PLCB4: variants seen among roughly 807,000 people sequenced by gnomAD.
PLCB4 encodes 1-phosphatidylinositol 4,5-bisphosphate phosphodiesterase beta-4.
A neutral mutation model predicts 178.8 loss-of-function variants in PLCB4; 77 were observed. That is an observed-to-expected ratio of 0.43 (90% CI 0.36 to 0.52). The LOEUF is 0.52. PLCB4 is among the 20% of genes least tolerant of loss of function. PLCB4 has a pLI of 0.00. For synonymous variants in PLCB4, 496 were observed against 490.8 expected (o/e 1.01, Z -0.14); for missense variants, 1,024 against 1,453.4 (o/e 0.70, Z 4.80).
At chr20:9,417,276 A>T (rs2040314373) in intron 25 of PLCB4, among the ~76,000 whole-genome samples, 3 of 152,068 alleles carry the variant, frequency 2.0e-5, no homozygotes, top group Non-Finnish European at 4.4e-5. Flanking sequence ...TGATTATATG[A>T]CCACTACCCC....
At chr20:9,195,461 C>CA (rs2093459945) in intron 2 of PLCB4, among the ~76,000 whole-genome samples, 1 of 152,228 alleles carries the variant, frequency 6.6e-6, no homozygotes, top group African/African-American at 2.4e-5. Context: ...AATTGGTAGA[C>CA]AGAGTAGAAA....
intron 3 of PLCB4, among the ~76,000 whole-genome samples, chr20:9,305,234 A>T (rs1227218480): frequency 6.6e-6 from 1 of 151,284 alleles, no homozygotes. Flanking sequence ...TCCATTCTTT[A>T]TCTGGTTACT....
intron 3 of PLCB4, among the ~76,000 whole-genome samples, chr20:9,298,819 C>T (rs150941815): frequency 5.5e-4 from 83 of 152,102 alleles, no homozygotes; most frequent in African/African-American, 1.7e-3. Context: ...GGACAAATAG[C>T]GAATGCTTGC....
intron 2 of PLCB4, among the ~76,000 whole-genome samples, chr20:9,180,401 T>C (rs1424085661): frequency 6.6e-6 from 1 of 152,192 alleles, no homozygotes; most frequent in African/African-American, 2.4e-5. Context: ...TTTTCCATTA[T>C]AAAGCTGGTG....
rs548822315 is a variant in PLCB4, at chr20:9,453,461, G to T, written c.2995G>T (p.Gly999Trp). 1.3e-6 allele frequency: 2 copies of T among 1,489,968 alleles called. No homozygotes were observed. Among genetic ancestry groups the T allele is most frequent in the African/African-American group, 1.4e-5 (1 of 72,502 alleles). 92.3% of individuals were successfully genotyped at this position (1,489,968 alleles called of 1,614,324 possible). The change falls in exon 33 of 40, where the codon GGG becomes TGG. Residue 999 changes from glycine (G) to tryptophan (W), a missense_variant and splice_region_variant. By Grantham distance (184) the Gly-to-Trp change is radical (BLOSUM62 -2). This residue lies in a region of PLCB4 where 264 missense variants were observed against 283.2 expected (regional missense o/e 0.93). Transcript: ENST00000378473. ...CCTAGAGAAGGCAATGAAGAAGAAG[G>T]GGTAATACTGTTTATTTCCTTCTGA... ...KILEKAMKKK[G>W]GSNCLEMKKE...
chr20:9,398,110 GA>G (rs1490690371), intron 19 of PLCB4, among the ~76,000 whole-genome samples: 1 of 152,168 alleles, frequency 6.6e-6, no homozygotes, highest in Non-Finnish European at 1.5e-5. Context: ...CCCCCAGATG[GA>G]ACATCTAAGA....
chr20:9,203,777 GTTT>G (rs553691545), intron 2 of PLCB4, among the ~76,000 whole-genome samples: 4 of 101,704 alleles, frequency 3.9e-5, no homozygotes, highest in East Asian at 6.9e-4. Context: ...TGGGAATAGT[GTTT>G]TTTTTTTTTT....
chr20:9,456,380 T>C (rs2043058690), intron 33 of PLCB4, among the ~76,000 whole-genome samples: 1 of 152,084 alleles, frequency 6.6e-6, no homozygotes, highest in South Asian at 2.1e-4. Context: ...AAGGTGATGG[T>C]AAAAAGATGA....
intron 36 of PLCB4, among the ~76,000 whole-genome samples, chr20:9,472,018 A>T (rs953538443): frequency 3.9e-5 from 6 of 152,170 alleles, no homozygotes; most frequent in African/African-American, 1.4e-4. Flanking sequence ...AAATAACCTA[A>T]TTTTTGTTAA....
At chr20:9,379,612 C>G (rs558455363) in intron 12 of PLCB4, among the ~76,000 whole-genome samples, 1 of 152,072 alleles carries the variant, frequency 6.6e-6, no homozygotes, top group African/African-American at 2.4e-5. Flanking sequence ...GTTGTTATTG[C>G]TTTTGGGGTT....
Position 9,334,726 on chromosome 20 carries a change from C to T in PLCB4, c.85-2400C>T, listed in dbSNP as rs1430842198. On this transcript the variant is annotated intron_variant, in intron 4 of 39. Coordinates refer to ENST00000378473, the MANE Select transcript of PLCB4 (RefSeq NM_001377142.1). ...AAGTAAAAGGAGGAGGGAACTGGTGCGTAGTGAGAGATTGGCAGGGATAAT... is the reference window on the plus strand; with the variant it reads ...AAGTAAAAGGAGGAGGGAACTGGTGTGTAGTGAGAGATTGGCAGGGATAAT... Among the ~76,000 whole-genome samples the T allele has an allele frequency of 3.3e-5, 5 of 151,946 alleles. No individual in the cohort carries two copies. In the South Asian group the frequency reaches 8.3e-4, roughly 25 times the overall value.
At chr20:9,372,129 T>C (rs558767349) in intron 10 of PLCB4, among the ~76,000 whole-genome samples, 174 bp from the exon 11 acceptor site, 2 of 152,278 alleles carry the variant, frequency 1.3e-5, no homozygotes, top group African/African-American at 2.4e-5. Context: ...CACTGTTTTT[T>C]AGTGAGATGG....
intron 4 of PLCB4, among the ~76,000 whole-genome samples, chr20:9,308,184 T>G (rs73897357): frequency 6.1e-4 from 93 of 152,288 alleles, no homozygotes; most frequent in African/African-American, 2.2e-3. Flanking sequence ...ATATTCTCAG[T>G]TTACAGATGG....
intron 1 of PLCB4, among the ~76,000 whole-genome samples, chr20:9,088,085 T>C (rs6039387): frequency 0.49 from 75,227 of 151,982 alleles, 19,036 homozygotes; most frequent in Middle Eastern, 0.56. Flanking sequence ...AAGCCATGGT[T>C]TCTGCACTGA....
At chr20:9,250,516 T>C (rs908979535) in intron 3 of PLCB4, among the ~76,000 whole-genome samples, 26 of 152,248 alleles carry the variant, frequency 1.7e-4, no homozygotes, top group African/African-American at 5.8e-4. Flanking sequence ...TGCATTTGTA[T>C]AGTTCTAAAT....
intron 28 of PLCB4, among the ~76,000 whole-genome samples, chr20:9,431,521 A>G (rs1487262625): frequency 1.3e-5 from 2 of 152,032 alleles, no homozygotes; most frequent in African/African-American, 2.4e-5. Flanking sequence ...GCTGCAGTGC[A>G]GTGGCATGAT....
intron 2 of PLCB4, among the ~76,000 whole-genome samples, chr20:9,113,514 T>C (rs951480040): frequency 1.3e-5 from 2 of 152,196 alleles, no homozygotes; most frequent in Non-Finnish European, 2.9e-5. Flanking sequence ...ACTGCTTTTA[T>C]CTTGGTCAGG....
At chr20:9,289,983 C>T (rs2094566525) in intron 3 of PLCB4, among the ~76,000 whole-genome samples, 1 of 151,982 alleles carries the variant, frequency 6.6e-6, no homozygotes, top group Non-Finnish European at 1.5e-5. Context: ...ATAGCCCCTG[C>T]TTTTAGAGCA....
intron 20 of PLCB4, among the ~76,000 whole-genome samples, chr20:9,404,604 CAAA>C (rs34712600): frequency 9.1e-5 from 6 of 65,718 alleles, no homozygotes; most frequent in Non-Finnish European, 1.3e-4. Flanking sequence ...GACTGTGTCT[CAAA>C]AAAAAAAAAA....
Sources: gnomAD v4.1 joint callset for allele counts (sites outside exome capture counted in the v4.1 genomes callset) on GRCh38, gnomAD v4.1.1 for gene constraint, gnomAD v4.1.1 regional missense constraint, MANE v1.5 for transcripts, NCBI Gene and HGNC (gene_info 2026-07-23, HGNC 2026-07-21) for gene names.